PTBP3: variants seen among roughly 807,000 people sequenced by gnomAD.
PTBP3 encodes the protein polypyrimidine tract-binding protein 3.
PTBP3 carries 20 observed loss-of-function variants against 58.7 expected under a neutral mutation model. The observed-to-expected ratio is 0.34, with a 90% confidence interval of 0.24 to 0.50. The LOEUF (loss-of-function observed/expected upper bound fraction) is 0.50. PTBP3 is among the 20% of genes least tolerant of loss of function. The pLI is 0.98. For missense variants in PTBP3, 509 were observed against 637.2 expected (o/e 0.80, Z 2.17); for synonymous variants, 185 against 219.8 (o/e 0.84, Z 1.40).
intron 1 of PTBP3, among the ~76,000 whole-genome samples, chr9:112,331,597 C>A (rs941180478): frequency 7.9e-5 from 12 of 152,132 alleles, no homozygotes; most frequent in Non-Finnish European, 1.5e-4. Context: ...TGATAAGTAA[C>A]TGGACGCTTG....
intron 2 of PTBP3, among the ~76,000 whole-genome samples, chr9:112,277,244 AC>A (rs1195967080): frequency 2.0e-5 from 3 of 152,140 alleles, no homozygotes; most frequent in African/African-American, 7.2e-5. Flanking sequence ...GACTAACAAT[AC>A]CTAGAGGCCC....
the PTBP3 span, among the ~76,000 whole-genome samples, chr9:112,356,800 A>G: frequency 0.024 from 3,271 of 137,178 alleles, 98 homozygotes; most frequent in African/African-American, 0.077. Context: ...GTGTGCGCAC[A>G]CACACACACA....
intron 1 of PTBP3, among the ~76,000 whole-genome samples, chr9:112,314,530 T>C (rs983152876): frequency 3.9e-5 from 6 of 152,064 alleles, no homozygotes; most frequent in African/African-American, 1.2e-4. Flanking sequence ...GACTCATCTC[T>C]ACAAAAATTT....
intron 5 of PTBP3, among the ~76,000 whole-genome samples, chr9:112,254,879 A>G (rs1443637576): frequency 6.6e-6 from 1 of 152,216 alleles, no homozygotes; most frequent in Non-Finnish European, 1.5e-5. Flanking sequence ...TATATAGCCA[A>G]AAAATTGAAA....
At chr9:112,316,778 T>C (rs1829720129) in intron 1 of PTBP3, among the ~76,000 whole-genome samples, 1 of 150,226 alleles carries the variant, frequency 6.7e-6, no homozygotes, top group South Asian at 2.1e-4. Flanking sequence ...TCAAGAGTGG[T>C]GTGGCCAACA....
In PTBP3 at chr9:112,245,151, A is replaced by G. The variant is rs1397307660; in HGVS notation, c.802+5778T>C. On this transcript the variant is annotated intron_variant, in intron 7 of 13. Transcript: ENST00000374257. The stretch of plus-strand genomic sequence containing the variant: ...TGGCAAAACCCTGTCTCTACAAAAA[A>G]TACAAAAAAATTAGCCGGGTGTAGT... 3.3e-5 allele frequency among the ~76,000 whole-genome samples: 5 copies of G among 152,194 alleles called. No homozygotes were observed. The East Asian group carries it at 9.6e-4, about 29-fold the overall frequency.
At chr9:112,273,757 C>G (rs1205986323) in intron 3 of PTBP3, among the ~76,000 whole-genome samples, 2 of 152,092 alleles carry the variant, frequency 1.3e-5, no homozygotes, top group Non-Finnish European at 2.9e-5. Flanking sequence ...CCATTTGGCC[C>G]CTGACACTCC....
chr9:112,246,411 T>C (rs1390755932), intron 7 of PTBP3, among the ~76,000 whole-genome samples: 2 of 151,700 alleles, frequency 1.3e-5, no homozygotes, highest in Admixed American at 6.6e-5. Context: ...AAATAAAAGG[T>C]AGGACAGGCG....
intron 10 of PTBP3, among the ~76,000 whole-genome samples, chr9:112,230,628 A>C (rs1025734157): frequency 1.3e-5 from 2 of 152,232 alleles, no homozygotes; most frequent in African/African-American, 4.8e-5. Context: ...ATTAAAATCA[A>C]GTAGTGAAAT....
Position 112,227,436 on chromosome 9 carries a change from C to T in PTBP3, c.1339G>A (p.Ala447Thr). The stretch of plus-strand genomic sequence containing the variant: ...GGAATGTTGGAAAGATGCAGAGTGG[C>T]TGATGGTGGAAAGATATTCTGGAAG... ...KNFQNIFPPS[A>T]TLHLSNIPPS... is the part of the protein sequence containing the mutation. Residue 447 changes from alanine to threonine, a missense_variant, in exon 12 of 14, where the codon GCC becomes ACC. Physicochemically the swap from Ala to Thr is moderately conservative, Grantham distance 58. Around this residue, in one of 4 missense-constraint regions of PTBP3, gnomAD observed 135 missense variants for 229.0 expected, o/e 0.59. Transcript: ENST00000374257. 6.2e-7 allele frequency: 1 copy of T among 1,613,920 alleles called. No homozygotes were observed. The highest frequency in any genetic ancestry group is 8.5e-7 in the Non-Finnish European group (1 of 1,179,876).
the PTBP3 span, among the ~76,000 whole-genome samples, chr9:112,365,622 A>ACC: frequency 6.6e-6 from 1 of 152,248 alleles, no homozygotes; most frequent in African/African-American, 2.4e-5. Flanking sequence ...GTAAATTAGT[A>ACC]CCAGTGGTGT....
chr9:112,279,474 T>C (rs1827765147), intron 2 of PTBP3, among the ~76,000 whole-genome samples: 1 of 152,174 alleles, frequency 6.6e-6, no homozygotes. Flanking sequence ...GATTCATTTT[T>C]TAAAAATCAA....
chr9:112,228,115 C>A lies in PTBP3; in HGVS notation c.1147+265G>T, dbSNP rs557020712. On this transcript the variant is annotated intron_variant, in intron 11 of 13. Coordinates refer to ENST00000374257, the MANE Select transcript of PTBP3 (RefSeq NM_001163788.4). ...AAAAAATGAAATAAAACAAATCATG[C>A]TTATTAAACTTAACGGAAAAACCCT... Among the ~76,000 whole-genome samples, 9 of 152,198 alleles carry A rather than the reference C, an allele frequency of 5.9e-5. No individual in the cohort carries two copies. In the South Asian group the frequency reaches 1.2e-3, roughly 21 times the overall value.
intron 2 of PTBP3, among the ~76,000 whole-genome samples, chr9:112,282,734 T>A (rs1042572078): frequency 2.6e-5 from 4 of 152,286 alleles, no homozygotes; most frequent in Admixed American, 2.6e-4. Flanking sequence ...GTCAGATAAT[T>A]TTTATGATTT....
intron 2 of PTBP3, among the ~76,000 whole-genome samples, chr9:112,294,964 A>C (rs907637967): frequency 2.6e-5 from 4 of 152,142 alleles, no homozygotes; most frequent in African/African-American, 9.7e-5. Flanking sequence ...TTAAGAAGTT[A>C]ATCTCAGGCT....
the PTBP3 span, among the ~76,000 whole-genome samples, chr9:112,344,991 G>T: frequency 6.6e-6 from 1 of 151,948 alleles, no homozygotes; most frequent in Admixed American, 6.6e-5. Flanking sequence ...AAATTAGCCG[G>T]GTGTGGTGTC....
At chr9:112,251,231 G>A in intron 6 of PTBP3, 128 bp from the exon 7 acceptor site, 1 of 642,720 alleles carries the variant, frequency 1.6e-6, no homozygotes, top group Non-Finnish European at 2.4e-6. Flanking sequence ...CCAAAGTCTT[G>A]GGTTTACTTT....
chr9:112,320,279 T>TAA (rs35381625), intron 1 of PTBP3, among the ~76,000 whole-genome samples: 3,444 of 41,010 alleles, frequency 0.084, 105 homozygotes, highest in Non-Finnish European at 0.1. Flanking sequence ...CCCTTTCTCT[T>TAA]AAAAAAAAAA....
intron 1 of PTBP3, among the ~76,000 whole-genome samples, chr9:112,314,458 G>T (rs1829620941): frequency 6.6e-6 from 1 of 152,148 alleles, no homozygotes; most frequent in African/African-American, 2.4e-5. Flanking sequence ...CACTTTGAGA[G>T]GTCAAAGTGG....
Sources: allele counts gnomAD v4.1 joint callset (sites outside exome capture counted in the v4.1 genomes callset), GRCh38; gene constraint gnomAD v4.1.1; regional missense constraint gnomAD v4.1.1; transcripts MANE v1.5; gene names NCBI Gene and HGNC (gene_info 2026-07-23, HGNC 2026-07-21).